The following CRTC1 variants were observed in gnomAD, a reference collection of about 807,000 sequenced individuals.
CRTC1 encodes CREB regulated transcription coactivator 1, also known as CREB-regulated transcription coactivator 1.
A neutral mutation model predicts 66.1 loss-of-function variants in CRTC1; 18 were observed. That is an observed-to-expected ratio of 0.27 (90% CI 0.19 to 0.40). The LOEUF (loss-of-function observed/expected upper bound fraction) is 0.40. CRTC1 is among the 10% of genes least tolerant of loss of function. The probability of loss-of-function intolerance (pLI) is 1.00; values close to 1 mark genes in which losing one functional copy is unlikely to be tolerated. For synonymous variants in CRTC1, 416 were observed against 398.8 expected (o/e 1.04, Z -0.51); for missense variants, 669 against 887.9 (o/e 0.75, Z 3.13).
rs113920555 is a variant in CRTC1, at chr19:18,705,251, T to C, written c.126+21423T>C. On this transcript the variant is annotated intron_variant, in intron 1 of 13. Transcript: ENST00000321949. ...GCTGCTGTGAACATTGGTGTACATC[T>C]CTTTGAGTCCCTACTCATAATTTTT... Among the ~76,000 whole-genome samples, 165 of 152,298 alleles carry C rather than the reference T, an allele frequency of 1.1e-3. 1 individual carries two copies. The highest frequency in any genetic ancestry group is 3.8e-3 in the African/African-American group (159 of 41,550).
Position 18,745,814 on chromosome 19 carries a change from C to A in CRTC1, c.244-9C>A, listed in dbSNP as rs770824108. 1.2e-6 allele frequency: 2 copies of A among 1,613,714 alleles called. No individual in the cohort carries two copies. Among genetic ancestry groups the A allele is most frequent in the Non-Finnish European group, 8.5e-7 (1 of 1,179,910 alleles). On this transcript the variant is annotated splice_polypyrimidine_tract_variant and intron_variant, in intron 2 of 13. Coordinates refer to ENST00000321949, the MANE Select transcript of CRTC1 (RefSeq NM_015321.3). ...TCTCTCTCTCTGTTTCCATCTCCTC[C>A]TCCCCCAGACCCCCTTCCAATCCTC...
chr19:18,690,538 G>T (rs546507278), intron 1 of CRTC1, among the ~76,000 whole-genome samples: 4 of 152,282 alleles, frequency 2.6e-5, no homozygotes, highest in African/African-American at 9.6e-5. Flanking sequence ...GTACTCCCCA[G>T]GTTGTGAGCT....
rs574559618 is a variant in CRTC1, at chr19:18,754,634, A to G, written c.624+1049A>G. 2.8e-4 allele frequency among the ~76,000 whole-genome samples: 43 copies of G among 152,386 alleles called. No homozygotes were observed. In the South Asian group the frequency reaches 8.9e-3, roughly 32 times the overall value. ...GTATTTTCCAGAGCTTTTGCAATAAACTAGAAACAGCCTGCACATTTCAGG... is the reference window on the plus strand; with the variant it reads ...GTATTTTCCAGAGCTTTTGCAATAAGCTAGAAACAGCCTGCACATTTCAGG... On this transcript the variant is annotated intron_variant, in intron 6 of 13. Coordinates refer to ENST00000321949, the MANE Select transcript of CRTC1 (RefSeq NM_015321.3).
intron 1 of CRTC1, among the ~76,000 whole-genome samples, chr19:18,701,604 ATTTTTGT>A (rs908074105): frequency 5.9e-5 from 9 of 151,824 alleles, no homozygotes; most frequent in Admixed American, 5.3e-4. Flanking sequence ...ATGAGATAGG[ATTTTTGT>A]TTTTTGTTTT....
intron 6 of CRTC1, among the ~76,000 whole-genome samples, chr19:18,758,360 TAA>T (rs920751999): frequency 3.2e-4 from 35 of 108,214 alleles, no homozygotes; most frequent in Admixed American, 5.0e-4. Context: ...ACTCCGTCTC[TAA>T]AAAAAAAAAA....
At chr19:18,730,737 C>T (rs899588137) in intron 1 of CRTC1, among the ~76,000 whole-genome samples, 3 of 152,162 alleles carry the variant, frequency 2.0e-5, no homozygotes, top group Non-Finnish European at 2.9e-5. Flanking sequence ...ATCCCTGCCC[C>T]CTCTGGGCCC....
intron 1 of CRTC1, among the ~76,000 whole-genome samples, chr19:18,689,514 C>T (rs1380247934): frequency 3.5e-4 from 1 of 2,820 alleles, no homozygotes; most frequent in Admixed American, 3.8e-3. Flanking sequence ...CACTGCACTC[C>T]AGCCTGGGCG....
chr19:18,699,436 G>A (rs1197539203), intron 1 of CRTC1, among the ~76,000 whole-genome samples: 1 of 152,180 alleles, frequency 6.6e-6, no homozygotes, highest in Non-Finnish European at 1.5e-5. Context: ...GATGGCCCTG[G>A]GGCTGCATGA....
At chr19:18,708,456 A>G (rs1396175164) in intron 1 of CRTC1, among the ~76,000 whole-genome samples, 1 of 152,174 alleles carries the variant, frequency 6.6e-6, no homozygotes, top group East Asian at 1.9e-4. Flanking sequence ...CTTCTGTATC[A>G]GCATCAGGAA....
At chr19:18,764,270 G>C (rs1451929303) in intron 8 of CRTC1, among the ~76,000 whole-genome samples, 1 of 152,214 alleles carries the variant, frequency 6.6e-6, no homozygotes, top group South Asian at 2.1e-4. Flanking sequence ...CTTCACCCCC[G>C]CCTTGACTGC....
intron 1 of CRTC1, among the ~76,000 whole-genome samples, chr19:18,685,141 A>G (rs958383857): frequency 6.6e-6 from 1 of 152,046 alleles, no homozygotes; most frequent in Non-Finnish European, 1.5e-5. Context: ...AGTCTGTGTT[A>G]CTTTGTAACT....
chr19:18,717,448 TA>T (rs1451299914), intron 1 of CRTC1, among the ~76,000 whole-genome samples: 2 of 152,036 alleles, frequency 1.3e-5, no homozygotes, highest in African/African-American at 4.8e-5. Context: ...TGCCACCCCA[TA>T]CTGTTCAGGG....
At chr19:18,732,396 C>T (rs73923154) in intron 1 of CRTC1, among the ~76,000 whole-genome samples, 1,910 of 152,306 alleles carry the variant, frequency 0.013, 38 homozygotes, top group African/African-American at 0.042. Flanking sequence ...CCAGGAAAGG[C>T]GCTGTACCTG....
chr19:18,684,347 G>T (rs2052637217), intron 1 of CRTC1, among the ~76,000 whole-genome samples: 1 of 152,066 alleles, frequency 6.6e-6, no homozygotes, highest in African/African-American at 2.4e-5. Flanking sequence ...CTACCTGGGA[G>T]GGACAGATGC....
intron 6 of CRTC1, among the ~76,000 whole-genome samples, chr19:18,759,074 G>A (rs986949216): frequency 3.9e-5 from 6 of 152,170 alleles, no homozygotes; most frequent in Admixed American, 6.5e-5. Context: ...GTGCAGTGAC[G>A]CGTGCCTATG....
chr19:18,765,710 C>T (rs903800901), intron 9 of CRTC1, among the ~76,000 whole-genome samples, 182 bp downstream of exon 9: 7 of 152,170 alleles, frequency 4.6e-5, no homozygotes, highest in African/African-American at 1.7e-4. Flanking sequence ...CCTGTAATCC[C>T]AGCACTTTGG....
At chr19:18,773,847 G>A (rs1568543025) in intron 11 of CRTC1, among the ~76,000 whole-genome samples, 1 of 152,078 alleles carries the variant, frequency 6.6e-6, no homozygotes, top group East Asian at 1.9e-4. Context: ...AGCAACTGGT[G>A]GGTTTGTGGC....
In CRTC1 at chr19:18,778,353, C is replaced by T. The variant is rs2055040543; in HGVS notation, c.*971C>T. The T allele has an allele frequency of 8.6e-6, 2 of 232,314 alleles. No homozygotes were observed. Among genetic ancestry groups the T allele is most frequent in the East Asian group, 6.1e-5 (1 of 16,490 alleles). The allele number at this position is 232,314 out of a possible 1,614,324, so 14.4% of individuals were successfully genotyped here. Reference sequence around the variant, plus strand: ...TAGATGACTCGCTTAATCTTTTAAGCCAACACTTGCCTGAGAGCATGTTTT... The same window carrying T: ...TAGATGACTCGCTTAATCTTTTAAGTCAACACTTGCCTGAGAGCATGTTTT... On this transcript the variant is annotated 3_prime_UTR_variant, in exon 14 of 14. Transcript: ENST00000321949.
In CRTC1 at chr19:18,747,129, ACCC is replaced by A. The variant is rs56040769; in HGVS notation, c.443+23_443+25del. 50 of 1,106,108 alleles carry A rather than the reference ACCC, an allele frequency of 4.5e-5. No individual in the cohort carries two copies. Among genetic ancestry groups the A allele is most frequent in the Non-Finnish European group, 5.8e-5 (46 of 799,678 alleles). The allele number at this position is 1,106,108 out of a possible 1,614,324, so 68.5% of individuals were successfully genotyped here. On this transcript the variant is annotated intron_variant, in intron 4 of 13. Coordinates refer to ENST00000321949, the MANE Select transcript of CRTC1 (RefSeq NM_015321.3). ...AGCTGGAGAAGGTCAGTGGCTGGAC[ACCC>A]CCCCCCCGCCCCCTTCTTGTTGGAA... is the stretch of plus-strand genomic sequence containing the variant.
Sources: gnomAD v4.1 joint callset for allele counts (sites outside exome capture counted in the v4.1 genomes callset) on GRCh38, gnomAD v4.1.1 for gene constraint, MANE v1.5 for transcripts, NCBI Gene and HGNC (gene_info 2026-07-23, HGNC 2026-07-21) for gene names.